The following FER variants were observed in gnomAD, a reference collection of about 807,000 sequenced individuals.
FER encodes tyrosine-protein kinase Fer.
A neutral mutation model predicts 111.0 loss-of-function variants in FER; 63 were observed. That is an observed-to-expected ratio of 0.57 (90% CI 0.46 to 0.70). The LOEUF (loss-of-function observed/expected upper bound fraction) is 0.70. Among genes scored for constraint, FER ranks in the 30% least tolerant of loss-of-function variants. The pLI is 0.00. For missense variants in FER, 914 were observed against 954.0 expected, an observed-to-expected ratio of 0.96 and a Z score of 0.55; for synonymous variants, 327 against 313.9, an observed-to-expected ratio of 1.04 and a Z score of -0.44.
intron 13 of FER, among the ~76,000 whole-genome samples, chr5:109,010,487 C>T (rs1285426056): frequency 6.6e-6 from 1 of 151,926 alleles, no homozygotes; most frequent in Non-Finnish European, 1.5e-5. Flanking sequence ...GTTTTGTGTT[C>T]CTGTTCTCTT....
At chr5:108,836,136 T>C (rs946362283) in intron 5 of FER, among the ~76,000 whole-genome samples, 2 of 152,098 alleles carry the variant, frequency 1.3e-5, no homozygotes, top group African/African-American at 4.8e-5. Context: ...AATAGGAGTA[T>C]ATTTATTTAG....
At chr5:109,026,733 C>T (rs1326865599) in intron 13 of FER, among the ~76,000 whole-genome samples, 1 of 152,088 alleles carries the variant, frequency 6.6e-6, no homozygotes, top group Non-Finnish European at 1.5e-5. Flanking sequence ...AGCTGGAGTA[C>T]AGTGGCCCAA....
intron 3 of FER, among the ~76,000 whole-genome samples, chr5:108,825,080 C>T (rs1000056879): frequency 2.0e-5 from 3 of 152,026 alleles, no homozygotes; most frequent in African/African-American, 4.8e-5. Context: ...GGAGGCAGGG[C>T]GAGATCACAG....
At chr5:108,769,767 G>T (rs1037684838) in intron 2 of FER, among the ~76,000 whole-genome samples, 2 of 152,198 alleles carry the variant, frequency 1.3e-5, no homozygotes, top group Non-Finnish European at 2.9e-5. Flanking sequence ...CTGGTATCAT[G>T]TACAGAAACC....
chr5:108,927,846 G>A (rs761020939), intron 10 of FER, among the ~76,000 whole-genome samples: 11 of 152,200 alleles, frequency 7.2e-5, no homozygotes, highest in Middle Eastern at 3.2e-3. Context: ...CTGAGGGATG[G>A]TAGCTGATAA....
At chr5:109,022,432 T>C (rs1220045754) in intron 13 of FER, among the ~76,000 whole-genome samples, 1 of 152,064 alleles carries the variant, frequency 6.6e-6, no homozygotes, top group Non-Finnish European at 1.5e-5. Flanking sequence ...TGGGGAGACT[T>C]CTCCTATACT....
At chr5:109,054,340 T>G (rs1308800389) in intron 16 of FER, among the ~76,000 whole-genome samples, 1 of 152,224 alleles carries the variant, frequency 6.6e-6, no homozygotes, top group African/African-American at 2.4e-5. Flanking sequence ...CTTCTATACC[T>G]TATTGTGATT....
At chr5:108,823,822 T>G (rs1035997593) in intron 3 of FER, among the ~76,000 whole-genome samples, 5 of 152,198 alleles carry the variant, frequency 3.3e-5, no homozygotes, top group Admixed American at 2.0e-4. Context: ...TGTCTGTGCT[T>G]TTGGTGTCAT....
intron 5 of FER, among the ~76,000 whole-genome samples, chr5:108,848,940 T>G (rs948519175): frequency 6.6e-6 from 1 of 152,096 alleles, no homozygotes; most frequent in Non-Finnish European, 1.5e-5. Flanking sequence ...TATAGAATTT[T>G]TTTTTAAACA....
At chr5:109,065,940 G>T (rs950164283) in intron 16 of FER, among the ~76,000 whole-genome samples, 4 of 152,086 alleles carry the variant, frequency 2.6e-5, no homozygotes, top group Non-Finnish European at 5.9e-5. Context: ...AATTATTCTG[G>T]GTCAAACTTG....
intron 17 of FER, among the ~76,000 whole-genome samples, chr5:109,136,490 A>G (rs1184338186): frequency 3.3e-5 from 5 of 152,136 alleles, no homozygotes; most frequent in Non-Finnish European, 7.4e-5. Flanking sequence ...GTAATTTCAT[A>G]TTTCTCACAG....
At chr5:108,794,816 T>C (rs796398892) in intron 2 of FER, among the ~76,000 whole-genome samples, 1 of 152,330 alleles carries the variant, frequency 6.6e-6, no homozygotes, top group South Asian at 2.1e-4. Flanking sequence ...TTAGGATCTT[T>C]TCTTTATTCT....
chr5:108,755,740 C>T (rs577276002), intron 1 of FER, among the ~76,000 whole-genome samples: 3 of 151,218 alleles, frequency 2.0e-5, no homozygotes, highest in South Asian at 4.3e-4. Context: ...CCCGCCTTGG[C>T]CTCCCAAAGT....
chr5:108,811,364 G>A lies in FER; in HGVS notation c.207+12975G>A, dbSNP rs539725755. ...TATATATTTTGCCATGGATCTCTTC[G>A]TTACTGATTTTAAATTTAATTTCAT... On this transcript the variant is annotated intron_variant, in intron 3 of 19. Coordinates refer to ENST00000281092, the MANE Select transcript of FER (RefSeq NM_005246.4). 3.6e-4 allele frequency among the ~76,000 whole-genome samples: 55 copies of A among 152,192 alleles called. 1 individual carries two copies. Among genetic ancestry groups the A allele is most frequent in the South Asian group, 3.1e-3 (15 of 4,818 alleles).
intron 12 of FER, among the ~76,000 whole-genome samples, chr5:108,956,324 G>A (rs879054036): frequency 4.6e-5 from 7 of 151,592 alleles, no homozygotes; most frequent in Admixed American, 3.3e-4. Flanking sequence ...GTATAAACTC[G>A]TTAACCACAA....
At position 109,155,655 on chromosome 5, in the gene FER, A is replaced by C. The variant is rs531696033; in HGVS notation, c.2049-25092A>C. 7.9e-5 allele frequency among the ~76,000 whole-genome samples: 12 copies of C among 152,150 alleles called. No homozygotes were observed. In the South Asian group the frequency reaches 2.5e-3, roughly 31 times the overall value. ...TCTACAAATATTGTCTTGATTTTTCACAAGAGTGAAAATATAGATTCTGAA... is the reference window on the plus strand; with the variant it reads ...TCTACAAATATTGTCTTGATTTTTCCCAAGAGTGAAAATATAGATTCTGAA... On this transcript the variant is annotated intron_variant, in intron 17 of 19. Coordinates refer to ENST00000281092, the MANE Select transcript of FER (RefSeq NM_005246.4).
intron 17 of FER, among the ~76,000 whole-genome samples, chr5:109,164,964 T>A (rs1001237949): frequency 9.8e-5 from 15 of 152,294 alleles, no homozygotes; most frequent in East Asian, 1.9e-4. Flanking sequence ...CCCCATCTCT[T>A]CCCCTTTTGT....
chr5:109,158,415 A>T (rs1006818999), intron 17 of FER, among the ~76,000 whole-genome samples: 16 of 152,168 alleles, frequency 1.1e-4, no homozygotes, highest in Non-Finnish European at 2.2e-4. Flanking sequence ...AAAATAATAA[A>T]AATAAAAATT....
intron 16 of FER, among the ~76,000 whole-genome samples, chr5:109,047,714 C>T (rs1291087255): frequency 6.6e-6 from 1 of 152,114 alleles, no homozygotes; most frequent in Non-Finnish European, 1.5e-5. Context: ...GGATTACAGA[C>T]ATGAGCCGCA....
Sources: allele counts gnomAD v4.1 joint callset (sites outside exome capture counted in the v4.1 genomes callset), GRCh38; gene constraint gnomAD v4.1.1; transcripts MANE v1.5; gene names NCBI Gene and HGNC (gene_info 2026-07-23, HGNC 2026-07-21).